Variants in TRHDE observed in about 807,000 individuals in gnomAD.
The protein encoded by TRHDE is thyrotropin-releasing hormone-degrading ectoenzyme.
TRHDE carries 72 observed loss-of-function variants against 125.7 expected under a neutral mutation model. The observed-to-expected ratio is 0.57, with a 90% CI of 0.47 to 0.70. TRHDE has a LOEUF of 0.70. Ranked by LOEUF, TRHDE falls within the 30% of genes least tolerant of loss-of-function variation. The probability of loss-of-function intolerance (pLI) is 0.00; values close to 1 mark genes in which losing one functional copy is unlikely to be tolerated. For synonymous variants in TRHDE, 509 were observed against 509.1 expected (o/e 1.00, Z 0.00); for missense variants, 1,110 against 1,327.1 (o/e 0.84, Z 2.54).
chr12:72,470,815 T>A (rs966938297), intron 4 of TRHDE, among the ~76,000 whole-genome samples: 18 of 150,812 alleles, frequency 1.2e-4, no homozygotes, highest in African/African-American at 4.4e-4. Flanking sequence ...AATACTGACT[T>A]AATGATGAAG....
intron 1 of TRHDE, among the ~76,000 whole-genome samples, chr12:72,088,030 G>C (rs560974882): frequency 6.6e-6 from 1 of 152,082 alleles, no homozygotes; most frequent in Non-Finnish European, 1.5e-5. Flanking sequence ...ACTTGAAAAA[G>C]TTTATCACTA....
chr12:72,278,867 C>T (rs1338992490), intron 1 of TRHDE, among the ~76,000 whole-genome samples: 3 of 152,130 alleles, frequency 2.0e-5, no homozygotes, highest in East Asian at 1.9e-4. Context: ...GTACAGACTG[C>T]GAATATTTTC....
chr12:72,535,543 C>T (rs1046334031), intron 6 of TRHDE, among the ~76,000 whole-genome samples: 16 of 152,026 alleles, frequency 1.1e-4, no homozygotes, highest in Non-Finnish European at 1.6e-4. Context: ...AATTTTCTTT[C>T]CCCTTTCATT....
At chr12:72,310,527 A>G (rs1178379155) in intron 2 of TRHDE, among the ~76,000 whole-genome samples, 1 of 151,896 alleles carries the variant, frequency 6.6e-6, no homozygotes, top group East Asian at 1.9e-4. Context: ...TCAGTTAAAT[A>G]GAATAAAGCA....
At chr12:72,338,567 T>C (rs1374519935) in intron 2 of TRHDE, among the ~76,000 whole-genome samples, 1 of 152,198 alleles carries the variant, frequency 6.6e-6, no homozygotes, top group Non-Finnish European at 1.5e-5. Context: ...TATATGACTT[T>C]GCCCACGTCA....
intron 3 of TRHDE, among the ~76,000 whole-genome samples, chr12:72,458,917 G>T (rs2135882316): frequency 6.6e-6 from 1 of 152,206 alleles, no homozygotes; most frequent in African/African-American, 2.4e-5. Context: ...TGATGATGAT[G>T]ATAATAACTG....
At chr12:72,368,229 A>G (rs1871420516) in intron 2 of TRHDE, among the ~76,000 whole-genome samples, 1 of 152,154 alleles carries the variant, frequency 6.6e-6, no homozygotes, top group Non-Finnish European at 1.5e-5. Context: ...ATTTATTGCT[A>G]ATTCCAGGTA....
intron 5 of TRHDE, among the ~76,000 whole-genome samples, chr12:72,476,181 T>A (rs1411570811): frequency 6.6e-6 from 1 of 152,196 alleles, no homozygotes; most frequent in Non-Finnish European, 1.5e-5. Flanking sequence ...CCTGCCAAAG[T>A]GCTGGGATTA....
chr12:72,091,699 C>T (rs768145841), intron 1 of TRHDE, among the ~76,000 whole-genome samples: 6 of 152,126 alleles, frequency 3.9e-5, no homozygotes, highest in Admixed American at 6.5e-5. Context: ...TTCTCGTAAA[C>T]GCAGAATGTT....
chr12:72,110,516 T>G (rs1421386320), intron 2 of TRHDE, among the ~76,000 whole-genome samples: 1 of 152,132 alleles, frequency 6.6e-6, no homozygotes, highest in African/African-American at 2.4e-5. Context: ...GTTTTCTGTC[T>G]GTTGTGAATT....
intron 1 of TRHDE, among the ~76,000 whole-genome samples, chr12:72,284,019 A>G (rs1879789354): frequency 1.3e-5 from 2 of 152,104 alleles, no homozygotes; most frequent in South Asian, 4.1e-4. Context: ...CAGGGTGAGT[A>G]TCCCCACTCC....
intron 2 of TRHDE, among the ~76,000 whole-genome samples, chr12:72,374,752 T>A (rs1375444602): frequency 6.6e-6 from 1 of 152,122 alleles, no homozygotes; most frequent in African/African-American, 2.4e-5. Flanking sequence ...GGATTTGGTA[T>A]CTTGAGGCCA....
At chr12:72,591,481 A>G (rs985456800) in intron 12 of TRHDE, among the ~76,000 whole-genome samples, 6 of 152,100 alleles carry the variant, frequency 3.9e-5, no homozygotes, top group Non-Finnish European at 8.8e-5. Context: ...GTATGCATAT[A>G]TATACTTTAA....
At chr12:72,445,225 G>A (rs536039509) in intron 3 of TRHDE, among the ~76,000 whole-genome samples, 1 of 151,820 alleles carries the variant, frequency 6.6e-6, no homozygotes, top group South Asian at 2.1e-4. Context: ...ATTAAATATA[G>A]ATGAAGATGA....
chr12:72,465,299 T>C (rs1876317858), intron 3 of TRHDE, among the ~76,000 whole-genome samples: 1 of 152,086 alleles, frequency 6.6e-6, no homozygotes, highest in African/African-American at 2.4e-5. Flanking sequence ...AACACATGTA[T>C]ACACACAGGA....
chr12:72,451,693 A>T (rs1346021680), intron 3 of TRHDE, among the ~76,000 whole-genome samples: 1 of 152,200 alleles, frequency 6.6e-6, no homozygotes, highest in Non-Finnish European at 1.5e-5. Flanking sequence ...GTCATTTGAC[A>T]GGAATTACAT....
chr12:72,449,858 T>C (rs1789792965), intron 3 of TRHDE, among the ~76,000 whole-genome samples: 1 of 151,994 alleles, frequency 6.6e-6, no homozygotes, highest in Non-Finnish European at 1.5e-5. Context: ...AATATAAAAA[T>C]ATTACCTCCT....
At chr12:72,551,892 C>G (rs888743178) in intron 7 of TRHDE, among the ~76,000 whole-genome samples, 1 of 151,926 alleles carries the variant, frequency 6.6e-6, no homozygotes, top group Non-Finnish European at 1.5e-5. Context: ...CTTGAGAAGA[C>G]GGTAGGTATG....
At chr12:72,520,340 G>C (rs566999791) in intron 6 of TRHDE, among the ~76,000 whole-genome samples, 1 of 152,198 alleles carries the variant, frequency 6.6e-6, no homozygotes, top group Non-Finnish European at 1.5e-5. Flanking sequence ...ATATAATCTC[G>C]TGGTGCGCCA....
Sources: allele counts gnomAD v4.1 joint callset (sites outside exome capture counted in the v4.1 genomes callset), GRCh38; gene constraint gnomAD v4.1.1; transcripts MANE v1.5; gene names NCBI Gene and HGNC (gene_info 2026-07-23, HGNC 2026-07-21).